Variants in NIT2 observed in about 807,000 individuals in gnomAD.
NIT2 encodes nitrilase family member 2, also known as omega-amidase NIT2.
NIT2 carries 46 observed loss-of-function variants against 42.7 expected under a neutral mutation model. The observed-to-expected ratio is 1.08, with a 90% CI of 0.85 to 1.38. NIT2 has a LOEUF of 1.38. Among genes scored for constraint, NIT2 ranks in the 40% most tolerant of loss-of-function variants. The probability of loss-of-function intolerance (pLI) is 0.00; values close to 1 mark genes in which losing one functional copy is unlikely to be tolerated. For synonymous variants in NIT2, 123 were observed against 121.9 expected (o/e 1.01, Z -0.06); for missense variants, 309 against 342.5 (o/e 0.90, Z 0.77).
chr3:100,354,731 A>G, intron 8 of NIT2, 41 bp from the exon 9 acceptor site: 1 of 1,531,584 alleles, frequency 6.5e-7, no homozygotes, highest in Non-Finnish European at 8.9e-7. Flanking sequence ...ATATCACCAA[A>G]CATCAGTGAA....
chr3:100,334,912 C>T (rs1214373863), intron 1 of NIT2, 114 bp downstream of exon 1: 1 of 1,055,460 alleles, frequency 9.5e-7, no homozygotes, highest in African/African-American at 1.7e-5. Flanking sequence ...CCCCGCCGTG[C>T]GCGGCCTTCC....
Position 100,355,471 on chromosome 3 carries a change from G to C in NIT2, c.*203G>C. 1 of 486,518 alleles carries C rather than the reference G, an allele frequency of 2.1e-6. No homozygotes were observed. Among genetic ancestry groups the C allele is most frequent in the East Asian group, 3.3e-5 (1 of 29,960 alleles). The allele number at this position is 486,518 out of a possible 1,614,324, so 30.1% of individuals were successfully genotyped here. The stretch of plus-strand genomic sequence containing the variant: ...AAAAAGGATGCAGCCTGGAGCCAGA[G>C]AGCAGAAAGCTGGGCTGGTTCTGAA... On this transcript the variant is annotated 3_prime_UTR_variant, in exon 10 of 10. Coordinates refer to ENST00000394140, the MANE Select transcript of NIT2 (RefSeq NM_020202.5).
In NIT2 at chr3:100,348,848, G is replaced by C; in HGVS notation, c.551G>C (p.Gly184Ala). The change falls in exon 7 of 10, where the codon GGA (glycine) becomes GCA (alanine). Residue 184 changes from glycine to alanine, a missense_variant. Transcript: ENST00000394140. ...VYPGAFNLTTGPAHWELLQRS... is the reference protein window; with the variant it reads ...VYPGAFNLTTAPAHWELLQRS... ...CCAGGAGCTTTTAATCTGACCACTG[G>C]ACCAGCCCATTGGGAGTTACTTCAG... 6.2e-7 allele frequency: 1 copy of C among 1,614,040 alleles called. No homozygotes were observed. The highest frequency in any genetic ancestry group is 8.5e-7 in the Non-Finnish European group (1 of 1,179,942).
At chr3:100,340,099 C>T in intron 3 of NIT2, 164 bp downstream of exon 3, 1 of 546,064 alleles carries the variant, frequency 1.8e-6, no homozygotes, top group Non-Finnish European at 3.2e-6. Context: ...GAGGTGAGGT[C>T]TTGCTTTGTC....
chr3:100,340,797 T>C (rs1391671326), intron 3 of NIT2, among the ~76,000 whole-genome samples: 1 of 151,644 alleles, frequency 6.6e-6, no homozygotes, highest in East Asian at 1.9e-4. Context: ...CTTTGGCATC[T>C]AACCTAATCA....
At chr3:100,346,107 A>G (rs760500728) in intron 5 of NIT2, 74 bp from the exon 6 acceptor site, 8 of 1,159,096 alleles carry the variant, frequency 6.9e-6, no homozygotes, top group Non-Finnish European at 6.5e-6. Flanking sequence ...TCATTATGTC[A>G]TGGAGGATTT....
rs1025395915 is a variant in NIT2 at position 100,339,147 on chromosome 3, G to A, written c.68G>A (p.Arg23His). 5.6e-6 allele frequency: 9 copies of A among 1,613,864 alleles called. No homozygotes were observed. The highest frequency in any genetic ancestry group is 4.0e-5 in the African/African-American group (3 of 74,856). ...ISSIKSDNVT[R>H]ACSFIREAAT... ...TCCATCAAATCAGATAACGTCACTC[G>A]CGCTTGTAGCTTCATCCGGGAGGCA... Residue 23 changes from arginine to histidine, a missense_variant, in exon 2 of 10, where the codon CGC becomes CAC. Transcript: ENST00000394140.
At chr3:100,354,608 T>G (rs535320056) in intron 8 of NIT2, among the ~76,000 whole-genome samples, 164 bp from the exon 9 acceptor site, 3 of 152,206 alleles carry the variant, frequency 2.0e-5, no homozygotes, top group Non-Finnish European at 4.4e-5. Context: ...TCCCATAAGG[T>G]CACAGAGCTA....
chr3:100,345,466 G>T (rs993502016), intron 4 of NIT2, 119 bp from the exon 5 acceptor site: 40 of 672,898 alleles, frequency 5.9e-5, no homozygotes, highest in Non-Finnish European at 9.3e-5. Flanking sequence ...CAGTTTGGGG[G>T]TGCTGTTTGT....
intron 4 of NIT2, 105 bp downstream of exon 4, chr3:100,341,266 C>G (rs1462910647): frequency 1.3e-6 from 1 of 758,456 alleles, no homozygotes; most frequent in African/African-American, 1.7e-5. Flanking sequence ...TTATATCACA[C>G]ATGTATTAGG....
intron 8 of NIT2, 33 bp downstream of exon 8, chr3:100,352,535 G>C (rs772002066): frequency 1.9e-6 from 3 of 1,552,844 alleles, no homozygotes; most frequent in South Asian, 1.1e-5. Flanking sequence ...AGGCTCAGTC[G>C]GAGCTTGAGC....
At chr3:100,349,084 A>G in intron 7 of NIT2, 2 of 386,766 alleles carry the variant, frequency 5.2e-6, no homozygotes, top group East Asian at 4.1e-5. Context: ...CACAATACCA[A>G]CCTCATGGAT....
intron 7 of NIT2, 171 bp downstream of exon 7, chr3:100,349,052 A>G (rs1706246632): frequency 3.6e-6 from 2 of 549,264 alleles, no homozygotes; most frequent in Non-Finnish European, 6.5e-6. Flanking sequence ...CTTCTACTGC[A>G]CGTCACTTTC....
At chr3:100,353,268 G>GCA (rs138974386) in intron 8 of NIT2, among the ~76,000 whole-genome samples, 1 of 152,020 alleles carries the variant, frequency 6.6e-6, no homozygotes, top group Non-Finnish European at 1.5e-5. Flanking sequence ...CTGTATGAAA[G>GCA]CACACACACA....
rs570107946 is a variant in NIT2 at position 100,358,627 on chromosome 3, C to A, written c.*3359C>A. 6.6e-5 allele frequency: 10 copies of A among 152,234 alleles called. No individual in the cohort carries two copies. The highest frequency in any genetic ancestry group is 6.5e-4 in the Admixed American group (10 of 15,298). The allele number at this position is 152,234 out of a possible 1,614,324, so 9.4% of individuals were successfully genotyped here. A position where few individuals can be genotyped will look rare whatever the true frequency, so the allele number is the denominator to read the frequency against. The stretch of plus-strand genomic sequence containing the variant: ...CTAGCTGTTTGAAGCTGAGAGCTAA[C>A]AGATAATAAGTGTTGCACTGGTTGC... On this transcript the variant is annotated 3_prime_UTR_variant, in exon 10 of 10. Transcript: ENST00000394140.
Position 100,346,037 on chromosome 3 carries a change from C to T in NIT2, c.431-144C>T, listed in dbSNP as rs1277964829. ...GAGATGAAGTCCAAGTAGGAATGAG[C>T]TTGTAAATTATCTCTGTCCTCAGGT... On this transcript the variant is annotated intron_variant, in intron 5 of 9. Coordinates refer to ENST00000394140, the MANE Select transcript of NIT2 (RefSeq NM_020202.5). 8 of 652,280 alleles carry T rather than the reference C, an allele frequency of 1.2e-5. No homozygotes were observed. The East Asian group carries it at 2.2e-4, about 18-fold the overall frequency. 40.4% of individuals were successfully genotyped at this position (652,280 alleles called of 1,614,324 possible). A position where few individuals can be genotyped will look rare whatever the true frequency, so the allele number is the denominator to read the frequency against.
intron 7 of NIT2, among the ~76,000 whole-genome samples, chr3:100,350,209 TG>T (rs1431110686): frequency 6.6e-6 from 1 of 151,812 alleles, no homozygotes; most frequent in African/African-American, 2.4e-5. Flanking sequence ...TGGTGGAAGA[TG>T]GGGGTAGGGG....
chr3:100,336,417 G>T (rs1369996005), intron 1 of NIT2, among the ~76,000 whole-genome samples: 1 of 152,124 alleles, frequency 6.6e-6, no homozygotes, highest in Non-Finnish European at 1.5e-5. Flanking sequence ...ACAAAGTATA[G>T]AGAAAGAAGT....
chr3:100,345,732 T>A, intron 5 of NIT2, 54 bp downstream of exon 5: 1 of 1,110,868 alleles, frequency 9.0e-7, no homozygotes, highest in Non-Finnish European at 1.4e-6. Flanking sequence ...GACAATCAGG[T>A]ATTTATTTCT....
Sources: gnomAD v4.1 joint callset for allele counts (sites outside exome capture counted in the v4.1 genomes callset) on GRCh38, gnomAD v4.1.1 for gene constraint, MANE v1.5 for transcripts, NCBI Gene and HGNC (gene_info 2026-07-23, HGNC 2026-07-21) for gene names.